The following TLE3 variants were observed in gnomAD, a reference collection of about 807,000 sequenced individuals.
The protein encoded by TLE3 is transducin-like enhancer protein 3.
TLE3 carries 14 observed loss-of-function variants against 93.0 expected under a neutral mutation model. That is an observed-to-expected ratio of 0.15 (90% CI 0.10 to 0.24). The LOEUF (loss-of-function observed/expected upper bound fraction) is 0.24. TLE3 is among the 10% of genes least tolerant of loss of function. TLE3 has a pLI of 1.00. For synonymous variants in TLE3, 451 were observed against 425.0 expected, an observed-to-expected ratio of 1.06 and a Z score of -0.75; for missense variants, 693 against 1,046.6, an observed-to-expected ratio of 0.66 and a Z score of 4.66.
At chr15:70,069,233 G>T (rs533179079) in intron 6 of TLE3, among the ~76,000 whole-genome samples, 18 of 152,176 alleles carry the variant, frequency 1.2e-4, no homozygotes, top group Non-Finnish European at 2.2e-4. Context: ...CTGAGAAATG[G>T]TGTCCACAGG....
chr15:70,076,001 TG>T (rs2141825377), intron 5 of TLE3, 94 bp downstream of exon 5: 1 of 1,153,920 alleles, frequency 8.7e-7, no homozygotes, highest in Non-Finnish European at 1.3e-6. Flanking sequence ...GGGCTGAGGC[TG>T]GGGCTGGGGC....
At chr15:70,051,693 A>T (rs1273434007) in intron 18 of TLE3, among the ~76,000 whole-genome samples, 2 of 152,198 alleles carry the variant, frequency 1.3e-5, no homozygotes, top group Non-Finnish European at 2.9e-5. Flanking sequence ...GGGAAAAGGT[A>T]GGATTTGAAG....
At chr15:70,069,441 A>G (rs2057010806) in intron 6 of TLE3, among the ~76,000 whole-genome samples, 1 of 152,170 alleles carries the variant, frequency 6.6e-6, no homozygotes, top group African/African-American at 2.4e-5. Context: ...CAAAGCTGTT[A>G]AGCTTCCAAG....
chr15:70,090,933 G>A (rs879620885), intron 4 of TLE3, among the ~76,000 whole-genome samples: 14 of 152,180 alleles, frequency 9.2e-5, no homozygotes, highest in African/African-American at 2.9e-4. Context: ...TAATAACACA[G>A]AAAGAAGCAA....
rs148511876 is a variant in TLE3, at chr15:70,065,884, G to C, written c.577+130C>G. ...GGCTTCCCTGCACCAGGTATCAACA[G>C]ATGACTCCAAATCCTTGGTAACTCC... On this transcript the variant is annotated intron_variant, in intron 7 of 19. Transcript: ENST00000451782. The C allele has an allele frequency of 1.7e-5, 17 of 1,024,096 alleles. No homozygotes were observed. The East Asian group carries it at 4.2e-4, about 26-fold the overall frequency. The allele number at this position is 1,024,096 out of a possible 1,614,324, so 63.4% of individuals were successfully genotyped here.
intron 4 of TLE3, among the ~76,000 whole-genome samples, chr15:70,093,207 C>G (rs2058382930): frequency 1.3e-5 from 2 of 152,196 alleles, no homozygotes; most frequent in South Asian, 4.1e-4. Context: ...AAGGGACTAA[C>G]TAATCCCTCA....
chr15:70,081,216 GATAACGT>G (rs1479851744), intron 4 of TLE3, among the ~76,000 whole-genome samples: 4 of 152,324 alleles, frequency 2.6e-5, no homozygotes, highest in Admixed American at 6.5e-5. Context: ...GGATTAACTA[GATAACGT>G]ATAAGATCCA....
chr15:70,054,668 G>T lies in TLE3; in HGVS notation c.1596C>A (p.Ile532=). 1 of 1,600,082 alleles carries T rather than the reference G, an allele frequency of 6.2e-7. No individual in the cohort carries two copies. The highest frequency in any genetic ancestry group is 2.2e-5 in the East Asian group (1 of 44,528). Reference sequence around the variant, plus strand: ...CATCAGGGAGCAGCTTGCAGGAGCGGATGTAATTGTCCCTGTTCTGGAGGG... The same window carrying T: ...CATCAGGGAGCAGCTTGCAGGAGCGTATGTAATTGTCCCTGTTCTGGAGGG... ...QLDCLNRDNY[I]RSCKLLPDGR... is the part of the protein sequence containing the mutation. The change falls in exon 16 of 20, where the codon ATC becomes ATA. Residue 532 remains isoleucine (I), a synonymous_variant. Coordinates refer to ENST00000451782, the MANE Select transcript of TLE3 (RefSeq NM_001105192.3).
intron 6 of TLE3, 132 bp downstream of exon 6, chr15:70,074,401 T>C: frequency 4.3e-6 from 5 of 1,156,042 alleles, no homozygotes; most frequent in Middle Eastern, 2.0e-4. Flanking sequence ...TTGGGGTGCT[T>C]GTAGAAGCCG....
intron 4 of TLE3, among the ~76,000 whole-genome samples, chr15:70,088,675 G>C (rs1161674006): frequency 6.6e-6 from 1 of 152,046 alleles, no homozygotes; most frequent in African/African-American, 2.4e-5. Context: ...AAGCTATTTT[G>C]CTGGCTGCTA....
chr15:70,080,276 G>C (rs1225996846), intron 4 of TLE3, among the ~76,000 whole-genome samples: 1 of 152,200 alleles, frequency 6.6e-6, no homozygotes, highest in Non-Finnish European at 1.5e-5. Flanking sequence ...CTTCAGAAGC[G>C]AATCTGAGAG....
intron 3 of TLE3, chr15:70,094,858 G>A: frequency 2.6e-6 from 1 of 377,926 alleles, no homozygotes. Flanking sequence ...TTTATACAAG[G>A]TTCAGGTTCA....
intron 4 of TLE3, among the ~76,000 whole-genome samples, chr15:70,092,332 G>A (rs2058348030): frequency 6.6e-6 from 1 of 152,236 alleles, no homozygotes; most frequent in Non-Finnish European, 1.5e-5. Flanking sequence ...CACAGCCACA[G>A]GGTGATTTCA....
intron 6 of TLE3, among the ~76,000 whole-genome samples, chr15:70,067,318 T>A (rs922664088): frequency 3.3e-5 from 5 of 152,180 alleles, no homozygotes. Flanking sequence ...TCTCAACTAG[T>A]GCAAGAGAAG....
intron 8 of TLE3, among the ~76,000 whole-genome samples, chr15:70,061,698 C>T (rs1017499278): frequency 3.3e-5 from 5 of 152,210 alleles, no homozygotes; most frequent in African/African-American, 1.2e-4. Flanking sequence ...AGAGTCCAAA[C>T]TTTACCTTCA....
rs1321193047 is a variant in TLE3 at position 70,058,164 on chromosome 15, G to C, written c.1046C>G (p.Pro349Arg). 6.2e-7 allele frequency: 1 copy of C among 1,613,920 alleles called. No individual in the cohort carries two copies. Among genetic ancestry groups the C allele is most frequent in the Admixed American group, 1.7e-5 (1 of 60,012 alleles). Reference sequence around the variant, plus strand: ...ATGGTGCCTACCCATTATACCTATCGGGTCCATGCCCGGAGGTTTACCCGG... The same window carrying C: ...ATGGTGCCTACCCATTATACCTATCCGGTCCATGCCCGGAGGTTTACCCGG... ...SMPGKPPGMD[P>R]IASALRTPIS... is the part of the protein sequence containing the mutation. The change falls in exon 12 of 20, where the codon CCG (proline) becomes CGG (arginine). Residue 349 changes from proline (P) to arginine (R), a missense_variant. Pro to Arg is a moderately radical substitution (Grantham distance 103). This residue lies in a region of TLE3 where 405 missense variants were observed against 468.9 expected (regional missense o/e 0.86). Transcript: ENST00000451782. This position sits in a 1 kb window ranked among gnomAD's most constrained non-coding sequence, Gnocchi z 4.1.
rs139183810 is a variant in TLE3 at position 70,065,271 on chromosome 15, G to A, written c.577+743C>T. 2.0e-4 allele frequency among the ~76,000 whole-genome samples: 31 copies of A among 152,336 alleles called. No homozygotes were observed. In the East Asian group the frequency reaches 5.6e-3, roughly 27 times the overall value. On this transcript the variant is annotated intron_variant, in intron 7 of 19. Coordinates refer to ENST00000451782, the MANE Select transcript of TLE3 (RefSeq NM_001105192.3). The stretch of plus-strand genomic sequence containing the variant: ...TGCATTTGGCACCAATTTTTGAAAA[G>A]GGCCTCCCAGGGAGCCAGGCTTTTC...
At chr15:70,096,634 C>T in intron 1 of TLE3, 141 bp downstream of exon 1, 1 of 1,547,854 alleles carries the variant, frequency 6.5e-7, no homozygotes, top group Non-Finnish European at 8.7e-7. Flanking sequence ...GCCCCCCGGC[C>T]GCATCCCCCT....
At chr15:70,094,623 T>A in intron 3 of TLE3, 47 bp from the exon 4 acceptor site, 3 of 1,396,612 alleles carry the variant, frequency 2.1e-6, no homozygotes, top group Non-Finnish European at 2.9e-6. Flanking sequence ...AGAAATCTGG[T>A]CATTTTTCAA....
Sources: allele counts gnomAD v4.1 joint callset (sites outside exome capture counted in the v4.1 genomes callset), GRCh38; gene constraint gnomAD v4.1.1; regional missense constraint gnomAD v4.1.1; non-coding constraint Gnocchi (gnomAD v3.1); transcripts MANE v1.5; gene names NCBI Gene and HGNC (gene_info 2026-07-23, HGNC 2026-07-21).